SLC4A1AP: variants seen among roughly 807,000 people sequenced by gnomAD.
SLC4A1AP encodes the protein kanadaptin.
SLC4A1AP carries 64 observed loss-of-function variants against 89.7 expected under a neutral mutation model. The ratio of observed to expected loss-of-function variants is 0.71; its 90% confidence interval spans 0.58 to 0.88. SLC4A1AP has a LOEUF of 0.88. Among genes scored for constraint, SLC4A1AP ranks in the 40% least tolerant of loss-of-function variants. SLC4A1AP has a pLI of 0.00. For synonymous variants in SLC4A1AP, 366 were observed against 353.3 expected (o/e 1.04, Z -0.40); for missense variants, 931 against 965.0 (o/e 0.96, Z 0.47).
chr2:27,664,401 G>A (rs992065770), exon 1 of SLC4A1AP: 1 of 1,614,222 alleles, frequency 6.2e-7, no homozygotes. Flanking sequence ...GCAGCACAGG[G>A]CGTCCGGCCC....
chr2:27,664,706 T>C (rs1675275945), intron 1 of SLC4A1AP, 129 bp downstream of exon 1: 1 of 711,556 alleles, frequency 1.4e-6, no homozygotes, highest in African/African-American at 1.8e-5. Context: ...AAGTCTGGCC[T>C]ATCATCTTCA....
chr2:27,666,929 G>C (rs985517947), intron 2 of SLC4A1AP, among the ~76,000 whole-genome samples: 4 of 151,352 alleles, frequency 2.6e-5, no homozygotes, highest in Non-Finnish European at 5.9e-5. Flanking sequence ...TGCAGGTAGC[G>C]CGATCTTGGC....
chr2:27,686,233 A>G (rs569606858), intron 10 of SLC4A1AP, among the ~76,000 whole-genome samples: 14 of 152,334 alleles, frequency 9.2e-5, no homozygotes, highest in Admixed American at 3.3e-4. Context: ...TGTCTGGGAA[A>G]CAGAAAAGTT....
intron 5 of SLC4A1AP, among the ~76,000 whole-genome samples, chr2:27,674,302 G>A (rs1675479364): frequency 6.6e-6 from 1 of 152,086 alleles, no homozygotes; most frequent in Non-Finnish European, 1.5e-5. Flanking sequence ...CAGAACAAAG[G>A]GAGTAGAATG....
intron 8 of SLC4A1AP, among the ~76,000 whole-genome samples, chr2:27,679,556 T>G (rs966115807): frequency 6.6e-6 from 1 of 152,056 alleles, no homozygotes; most frequent in Non-Finnish European, 1.5e-5. Flanking sequence ...GAGCCGAGAT[T>G]GCGCCACTGC....
At chr2:27,683,998 T>C (rs1675663342) in intron 9 of SLC4A1AP, among the ~76,000 whole-genome samples, 2 of 152,050 alleles carry the variant, frequency 1.3e-5, no homozygotes, top group African/African-American at 2.4e-5. Context: ...GGCCTCACTA[T>C]GTATTCTGAA....
intron 5 of SLC4A1AP, among the ~76,000 whole-genome samples, chr2:27,674,812 A>C (rs1675490556): frequency 6.6e-6 from 1 of 150,608 alleles, no homozygotes; most frequent in Non-Finnish European, 1.5e-5. Context: ...CCCAGGTTCA[A>C]GCAATTCTCC....
At chr2:27,678,781 C>G (rs2148136004) in intron 8 of SLC4A1AP, among the ~76,000 whole-genome samples, 1 of 149,942 alleles carries the variant, frequency 6.7e-6, no homozygotes, top group African/African-American at 2.5e-5. Context: ...TGCAGTGGCA[C>G]AGTGACAGCT....
chr2:27,683,762 C>G (rs932651331), intron 9 of SLC4A1AP, among the ~76,000 whole-genome samples: 8 of 152,040 alleles, frequency 5.3e-5, no homozygotes, highest in African/African-American at 1.9e-4. Context: ...CATTGAGAGA[C>G]AGTCTCACAC....
intron 5 of SLC4A1AP, 56 bp downstream of exon 5, chr2:27,669,443 A>G: frequency 7.0e-7 from 1 of 1,433,946 alleles, no homozygotes. Flanking sequence ...ACTCAACACA[A>G]ACGCTAATAA....
chr2:27,688,194 C>T (rs149912393), intron 11 of SLC4A1AP, among the ~76,000 whole-genome samples, 174 bp downstream of exon 11: 1 of 152,270 alleles, frequency 6.6e-6, no homozygotes, highest in Non-Finnish European at 1.5e-5. Context: ...TTGGTGCCAT[C>T]CCATTTGCCT....
chr2:27,666,418 G>A (rs972819674), intron 2 of SLC4A1AP, among the ~76,000 whole-genome samples: 1 of 135,316 alleles, frequency 7.4e-6, no homozygotes, highest in Non-Finnish European at 1.5e-5. Flanking sequence ...AGGCGTGAGC[G>A]ATCGCACTCC....
rs35289345 is a variant in SLC4A1AP at position 27,693,236 on chromosome 2, A to ATT, written c.2272-434_2272-433dup. ...TGTGAGCCACTGCGCCCAGCCTGTG[A>ATT]TTTTTTTTTTTTTTTTGAGTGGAGT... is the stretch of plus-strand genomic sequence containing the variant. On this transcript the variant is annotated intron_variant, in intron 12 of 13. Coordinates refer to ENST00000613058, the Ensembl canonical transcript of SLC4A1AP. 9.3e-4 allele frequency: 131 copies of ATT among 140,938 alleles called. No homozygotes were observed. The Middle Eastern group carries it at 0.011, about 12-fold the overall frequency. The allele number at this position is 140,938 out of a possible 1,614,324, so 8.7% of individuals were successfully genotyped here.
chr2:27,677,751 T>C, exon 8 of SLC4A1AP: 1 of 1,604,030 alleles, frequency 6.2e-7, no homozygotes, highest in Non-Finnish European at 8.5e-7. Context: ...TATCAGAGTC[T>C]CCATCTCAGG....
intron 12 of SLC4A1AP, among the ~76,000 whole-genome samples, chr2:27,689,834 C>T (rs1223697768): frequency 4.6e-5 from 7 of 152,224 alleles, no homozygotes; most frequent in African/African-American, 1.7e-4. Context: ...AATAGGTTTT[C>T]AATGGATAGC....
intron 8 of SLC4A1AP, among the ~76,000 whole-genome samples, chr2:27,681,520 T>G (rs1675619275): frequency 6.6e-6 from 1 of 152,178 alleles, no homozygotes; most frequent in African/African-American, 2.4e-5. Flanking sequence ...TCTAGTATGC[T>G]TATTCTGGGG....
exon 3 of SLC4A1AP, chr2:27,667,363 G>T (rs1558505171): frequency 6.2e-7 from 1 of 1,612,922 alleles, no homozygotes; most frequent in Non-Finnish European, 8.5e-7. Flanking sequence ...TCCCAAAAAG[G>T]CTCTCCAAGG....
rs769418116 is a variant in SLC4A1AP, at chr2:27,685,046, C to G, written c.1885C>G (p.Pro629Ala). 8 of 1,603,588 alleles carry G rather than the reference C, an allele frequency of 5.0e-6. No homozygotes were observed. In the Admixed American group the frequency reaches 8.7e-5, roughly 17 times the overall value. The change falls in exon 10 of 14, where the codon CCC becomes GCC. Residue 629 changes from proline (P) to alanine (A), a missense_variant. Coordinates refer to ENST00000613058, the Ensembl canonical transcript of SLC4A1AP. ...TTTGTTTCCCTCTTAGAAGTTACCC[C>G]CCAAGCGTCCAGAACTCCCTCCAAC...
chr2:27,668,925 G>A lies in SLC4A1AP; in HGVS notation c.1205+22G>A, dbSNP rs1472163253. The A allele has an allele frequency of 2.1e-5, 33 of 1,609,734 alleles. No individual in the cohort carries two copies. The Admixed American group carries it at 5.5e-4, about 27-fold the overall frequency. ...TGAGGTATGCTCTTTTCTTATTAAT[G>A]TTCTTTTCTGGAAAATGGCCAATTT... On this transcript the variant is annotated intron_variant, in intron 4 of 13. Coordinates refer to ENST00000613058, the Ensembl canonical transcript of SLC4A1AP.
Sources: allele counts gnomAD v4.1 joint callset (sites outside exome capture counted in the v4.1 genomes callset), GRCh38; gene constraint gnomAD v4.1.1; transcripts MANE v1.5; gene names NCBI Gene and HGNC (gene_info 2026-07-23, HGNC 2026-07-21).